HDAC9: variants seen among roughly 807,000 people sequenced by gnomAD.
The protein encoded by HDAC9 is histone deacetylase 9, also known as MEF-2 interacting transcription repressor (MITR) protein.
Under a neutral mutation model 139.4 loss-of-function variants are expected in HDAC9, and 41 were observed. The ratio of observed to expected loss-of-function variants is 0.29; its 90% confidence interval spans 0.23 to 0.38. The LOEUF (loss-of-function observed/expected upper bound fraction) is 0.38. Ranked by LOEUF, HDAC9 falls within the 10% of genes least tolerant of loss-of-function variation. The probability of loss-of-function intolerance (pLI) is 1.00; values close to 1 mark genes in which losing one functional copy is unlikely to be tolerated. For missense variants in HDAC9, 1,147 were observed against 1,297.0 expected (o/e 0.88, Z 1.78); for synonymous variants, 517 against 476.2 (o/e 1.09, Z -1.12).
intron 16 of HDAC9, among the ~76,000 whole-genome samples, chr7:18,783,654 G>C (rs1791442547): frequency 7.5e-6 from 1 of 133,988 alleles, no homozygotes; most frequent in Non-Finnish European, 1.6e-5. Flanking sequence ...AACTAGTTCT[G>C]CTGAGACTTT....
chr7:18,664,985 A>G (rs191584608), intron 11 of HDAC9, among the ~76,000 whole-genome samples: 2 of 152,308 alleles, frequency 1.3e-5, no homozygotes, highest in Admixed American at 1.3e-4. Context: ...ACCTACAGTG[A>G]AATCAAAGGA....
At chr7:18,099,142 T>C (rs1452465502) in intron 1 of HDAC9, among the ~76,000 whole-genome samples, 2 of 152,182 alleles carry the variant, frequency 1.3e-5, no homozygotes, top group Non-Finnish European at 2.9e-5. Flanking sequence ...TTTAGTATTA[T>C]AATGAAACAG....
intron 16 of HDAC9, among the ~76,000 whole-genome samples, chr7:18,791,524 C>A (rs1366100807): frequency 6.6e-6 from 1 of 152,092 alleles, no homozygotes. Context: ...AATAATAAAA[C>A]CTTCAATTTA....
intron 2 of HDAC9, among the ~76,000 whole-genome samples, chr7:18,508,001 G>A (rs1800328815): frequency 6.6e-6 from 1 of 152,190 alleles, no homozygotes; most frequent in African/African-American, 2.4e-5. Context: ...TGAAGCTTTG[G>A]GAACTGGGGT....
intron 21 of HDAC9, among the ~76,000 whole-genome samples, chr7:18,838,172 C>A (rs1585130085): frequency 6.6e-6 from 1 of 152,030 alleles, no homozygotes; most frequent in South Asian, 2.1e-4. Flanking sequence ...ATTTCAAAAA[C>A]CATCATTGAA....
At chr7:18,935,787 T>C in intron 22 of HDAC9, 22 bp from the exon 23 acceptor site, 1 of 1,605,140 alleles carries the variant, frequency 6.2e-7, no homozygotes, top group Non-Finnish European at 8.5e-7. Context: ...TACTTTGAAA[T>C]GTTCTGTTTG....
At chr7:18,687,151 A>T (rs907591105) in intron 12 of HDAC9, among the ~76,000 whole-genome samples, 56 of 151,970 alleles carry the variant, frequency 3.7e-4, no homozygotes, top group African/African-American at 1.3e-3. Flanking sequence ...TAATCCTATC[A>T]AAATTCTTAG....
intron 25 of HDAC9, among the ~76,000 whole-genome samples, chr7:18,993,697 GGATACT>G (rs1786204593): frequency 6.6e-6 from 1 of 152,012 alleles, no homozygotes; most frequent in Non-Finnish European, 1.5e-5. Context: ...CAGCTATTCG[GGATACT>G]GAGGTAGGAG....
Position 18,705,008 on chromosome 7 carries a change from C to A in HDAC9, c.1732-22572C>A, listed in dbSNP as rs978275579. 2.6e-5 allele frequency among the ~76,000 whole-genome samples: 4 copies of A among 152,160 alleles called. No individual in the cohort carries two copies. The South Asian group carries it at 8.3e-4, about 32-fold the overall frequency. On this transcript the variant is annotated intron_variant, in intron 12 of 25. Transcript: ENST00000686413. ...ATACGATTTTTAACTTTCTAGTAGT[C>A]AATTAAAAATAAAGAGACAAGTAAA...
At chr7:18,987,593 G>C (rs987085787) in intron 25 of HDAC9, among the ~76,000 whole-genome samples, 1 of 152,168 alleles carries the variant, frequency 6.6e-6, no homozygotes, top group Non-Finnish European at 1.5e-5. Context: ...AAATGAGTTA[G>C]GGAGGATTCC....
intron 21 of HDAC9, among the ~76,000 whole-genome samples, chr7:18,862,774 A>G (rs1420736886): frequency 6.6e-6 from 1 of 152,234 alleles, no homozygotes; most frequent in Non-Finnish European, 1.5e-5. Flanking sequence ...GAATAAAAAT[A>G]GGGCAAGATA....
intron 6 of HDAC9, among the ~76,000 whole-genome samples, chr7:18,599,401 C>T (rs1440419769): frequency 6.6e-6 from 1 of 152,166 alleles, no homozygotes; most frequent in Non-Finnish European, 1.5e-5. Flanking sequence ...CATATATCCA[C>T]CATTACAGAA....
At position 18,980,058 on chromosome 7, in the gene HDAC9, A is replaced by G. The variant is rs186727722; in HGVS notation, c.3170+4105A>G. Among the ~76,000 whole-genome samples the G allele has an allele frequency of 1.9e-4, 29 of 152,232 alleles. No individual in the cohort carries two copies. The East Asian group carries it at 5.4e-3, about 28-fold the overall frequency. On this transcript the variant is annotated intron_variant, in intron 25 of 25. Coordinates refer to ENST00000686413, the MANE Select transcript of HDAC9 (RefSeq NM_178425.4). ...AGCCTTAGCTGAAAATTGAGGTGAG[A>G]TTTGGAAGCTCCTGGTAAAAAGAAA...
chr7:18,954,528 A>AT (rs1290640184), intron 24 of HDAC9, among the ~76,000 whole-genome samples: 1 of 152,054 alleles, frequency 6.6e-6, no homozygotes, highest in Non-Finnish European at 1.5e-5. Flanking sequence ...AGAAATTGTG[A>AT]TTTTGTAATC....
intron 1 of HDAC9, among the ~76,000 whole-genome samples, chr7:18,363,083 G>A (rs1783907932): frequency 6.6e-6 from 1 of 152,092 alleles, no homozygotes; most frequent in African/African-American, 2.4e-5. Flanking sequence ...TTTATGTCAA[G>A]AAAAGCATAT....
At chr7:18,143,451 T>C (rs1477494587) in intron 1 of HDAC9, among the ~76,000 whole-genome samples, 2 of 152,156 alleles carry the variant, frequency 1.3e-5, no homozygotes, top group Non-Finnish European at 2.9e-5. Context: ...TATTACCATG[T>C]CATGTTTTTA....
intron 1 of HDAC9, among the ~76,000 whole-genome samples, chr7:18,156,571 C>T (rs1787218959): frequency 6.6e-6 from 1 of 152,212 alleles, no homozygotes; most frequent in African/African-American, 2.4e-5. Context: ...TCATCAGGAA[C>T]TTATTGTGTA....
intron 2 of HDAC9, among the ~76,000 whole-genome samples, chr7:18,229,937 A>G (rs1239635625): frequency 1.3e-5 from 2 of 152,206 alleles, no homozygotes; most frequent in Non-Finnish European, 2.9e-5. Context: ...AGTCATCATA[A>G]TAAATGTTAT....
At chr7:18,993,476 A>G (rs187257529) in intron 25 of HDAC9, among the ~76,000 whole-genome samples, 3 of 152,280 alleles carry the variant, frequency 2.0e-5, no homozygotes, top group Admixed American at 1.3e-4. Context: ...CCAACTTACT[A>G]TGCTACTAAC....
Sources: allele counts gnomAD v4.1 joint callset (sites outside exome capture counted in the v4.1 genomes callset), GRCh38; gene constraint gnomAD v4.1.1; transcripts MANE v1.5; gene names NCBI Gene and HGNC (gene_info 2026-07-23, HGNC 2026-07-21).